The following ZNF514 variants were observed in gnomAD, a reference collection of about 807,000 sequenced individuals.
The protein encoded by ZNF514 is zinc finger protein 514.
In ZNF514, 12 loss-of-function variants were observed where a neutral mutation model predicts 9.7. That is an observed-to-expected ratio of 1.24 (90% CI 0.79 to 2.01). The LOEUF (loss-of-function observed/expected upper bound fraction) is 2.01, where lower values mean the gene tolerates loss of function less well. Ranked by LOEUF, ZNF514 falls within the 30% of genes most tolerant of loss-of-function variation. The probability of loss-of-function intolerance (pLI) is 0.00; values close to 1 mark genes in which losing one functional copy is unlikely to be tolerated. For synonymous variants in ZNF514, 158 were observed against 163.7 expected, an observed-to-expected ratio of 0.97 and a Z score of 0.27; for missense variants, 467 against 465.5, an observed-to-expected ratio of 1.00 and a Z score of -0.03.
At chr2:95,125,259 C>A in the ZNF514 span, among the ~76,000 whole-genome samples, 1 of 135,176 alleles carries the variant, frequency 7.4e-6, no homozygotes. Context: ...GACGGAGTCT[C>A]GCGTCGCGTC....
At chr2:95,132,229 T>TA in the ZNF514 span, among the ~76,000 whole-genome samples, 1 of 140,982 alleles carries the variant, frequency 7.1e-6, no homozygotes, top group Non-Finnish European at 1.5e-5. Context: ...GCAAGCCACA[T>TA]ACCTGACAAA....
rs1306022987 is a variant in ZNF514 at position 95,147,611 on chromosome 2, A to T, written c.*1671T>A. ...TTAGAATCACGTTTTTGAGATCTGG[A>T]TTGTGCATAATACCCATATTTTAGT... On this transcript the variant is annotated 3_prime_UTR_variant, in exon 5 of 5. Transcript: ENST00000295208. 1 of 149,432 alleles carries T rather than the reference A, an allele frequency of 6.7e-6. No individual in the cohort carries two copies. Among genetic ancestry groups the T allele is most frequent in the Non-Finnish European group, 1.5e-5 (1 of 67,562 alleles). 9.3% of individuals were successfully genotyped at this position (149,432 alleles called of 1,614,324 possible).
the ZNF514 span, among the ~76,000 whole-genome samples, chr2:95,129,254 A>G: frequency 6.6e-6 from 1 of 152,242 alleles, no homozygotes; most frequent in East Asian, 1.9e-4. Flanking sequence ...AAATTGTCCT[A>G]AGGACGTGCA....
At chr2:95,131,247 C>T in the ZNF514 span, among the ~76,000 whole-genome samples, 1 of 152,200 alleles carries the variant, frequency 6.6e-6, no homozygotes, top group Admixed American at 6.5e-5. Flanking sequence ...ACTGTAAGAT[C>T]TACTCCCCAC....
At chr2:95,157,728 T>C (rs1426533551) in intron 1 of ZNF514, among the ~76,000 whole-genome samples, 1 of 152,222 alleles carries the variant, frequency 6.6e-6, no homozygotes, top group Non-Finnish European at 1.5e-5. Flanking sequence ...CTGGGCATAC[T>C]GTATGCAGGT....
At chr2:95,138,017 C>G in the ZNF514 span, among the ~76,000 whole-genome samples, 1 of 152,178 alleles carries the variant, frequency 6.6e-6, no homozygotes, top group Non-Finnish European at 1.5e-5. Flanking sequence ...GCTACTCACC[C>G]TTCACCTTCC....
At chr2:95,136,033 T>C in the ZNF514 span, among the ~76,000 whole-genome samples, 4 of 152,130 alleles carry the variant, frequency 2.6e-5, 1 homozygote, top group South Asian at 4.2e-4. Flanking sequence ...CACTGCACTC[T>C]AGCCTGGCGA....
At chr2:95,158,879 G>A in intron 1 of ZNF514, 1 of 1,289,760 alleles carries the variant, frequency 7.8e-7, no homozygotes, top group Non-Finnish European at 1.0e-6. Context: ...GGATTCCCCG[G>A]CCTCTTCCTG....
At chr2:95,152,630 C>T (rs1673573648) in intron 4 of ZNF514, 44 bp downstream of exon 4, 1 of 1,555,732 alleles carries the variant, frequency 6.4e-7, no homozygotes, top group Non-Finnish European at 8.9e-7. Flanking sequence ...CCTCCCACCC[C>T]AGCTGGGCCT....
chr2:95,149,933 T>C lies in ZNF514; in HGVS notation c.552A>G (p.Glu184=). The C allele has an allele frequency of 6.2e-7, 1 of 1,614,222 alleles. No individual in the cohort carries two copies. The highest frequency in any genetic ancestry group is 8.5e-7 in the Non-Finnish European group (1 of 1,180,042). ...MGEGSYKCDT[E]FRQTLGGNNS... ...TGTTTCCCCCTAAAGTCTGCCTGAA[T>C]TCTGTATCACATTTATAAGATCCTT... is the stretch of plus-strand genomic sequence containing the variant. The change falls in exon 5 of 5, where the codon GAA becomes GAG. Residue 184 remains glutamate (E), a synonymous_variant. Coordinates refer to ENST00000295208, the MANE Select transcript of ZNF514 (RefSeq NM_032788.3).
chr2:95,132,191 A>G, the ZNF514 span, among the ~76,000 whole-genome samples: 1 of 151,402 alleles, frequency 6.6e-6, no homozygotes, highest in African/African-American at 2.4e-5. Context: ...AAATTAAATG[A>G]CAAGCTACAG....
At chr2:95,133,118 G>A in the ZNF514 span, among the ~76,000 whole-genome samples, 1 of 152,138 alleles carries the variant, frequency 6.6e-6, no homozygotes, top group African/African-American at 2.4e-5. Context: ...ATAAAAAGGA[G>A]TAAGTCATTG....
At position 95,152,722 on chromosome 2, in the gene ZNF514, C is replaced by T; in HGVS notation, c.169G>A (p.Gly57Ser). ...PYVICQLEEG[G>S]EPFMVEREIS... ...TCTCTCTCCACCATGAAGGGCTCAC[C>T]CCCTTCCTCCAACTGGCAGATCACA... The change falls in exon 4 of 5, where the codon GGT becomes AGT. Residue 57 changes from glycine to serine, a missense_variant. Coordinates refer to ENST00000295208, the MANE Select transcript of ZNF514 (RefSeq NM_032788.3). 6.2e-7 allele frequency: 1 copy of T among 1,614,164 alleles called. No homozygotes were observed. The highest frequency in any genetic ancestry group is 8.5e-7 in the Non-Finnish European group (1 of 1,180,012).
Position 95,152,716 on chromosome 2 carries a change from G to A in ZNF514, c.175C>T (p.Pro59Ser), listed in dbSNP as rs776671606. The change falls in exon 4 of 5, where the codon CCC (proline) becomes TCC (serine). Residue 59 changes from proline to serine, a missense_variant. Coordinates refer to ENST00000295208, the MANE Select transcript of ZNF514 (RefSeq NM_032788.3). Reference protein sequence around the residue: ...VICQLEEGGEPFMVEREISTG... With the variant: ...VICQLEEGGESFMVEREISTG... Reference sequence around the variant, plus strand: ...GAGATTTCTCTCTCCACCATGAAGGGCTCACCCCCTTCCTCCAACTGGCAG... The same window carrying A: ...GAGATTTCTCTCTCCACCATGAAGGACTCACCCCCTTCCTCCAACTGGCAG... 14 of 1,614,010 alleles carry A rather than the reference G, an allele frequency of 8.7e-6. No individual in the cohort carries two copies. Among genetic ancestry groups the A allele is most frequent in the Non-Finnish European group, 1.1e-5 (13 of 1,180,038 alleles).
At chr2:95,141,169 C>T (rs916367230), downstream of ZNF514, among the ~76,000 whole-genome samples, 1 of 152,010 alleles carries the variant, frequency 6.6e-6, no homozygotes, top group African/African-American at 2.4e-5. Flanking sequence ...ACCACCTGTT[C>T]CCCAAAAACC....
rs1366134882 is a variant in ZNF514, at chr2:95,147,959, T to G, written c.*1323A>C. 1 of 152,208 alleles carries G rather than the reference T, an allele frequency of 6.6e-6. No individual in the cohort carries two copies. Among genetic ancestry groups the G allele is most frequent in the Non-Finnish European group, 1.5e-5 (1 of 68,042 alleles). The allele number at this position is 152,208 out of a possible 1,614,324, so 9.4% of individuals were successfully genotyped here. On this transcript the variant is annotated 3_prime_UTR_variant, in exon 5 of 5. Coordinates refer to ENST00000295208, the MANE Select transcript of ZNF514 (RefSeq NM_032788.3). ...CAGCCTATTTTAGTAATTTTAATGT[T>G]TAAACAAGGTTTCATTTCATTTCAA...
intron 4 of ZNF514, among the ~76,000 whole-genome samples, chr2:95,151,177 A>AT (rs1673527835): frequency 6.6e-6 from 1 of 152,218 alleles, no homozygotes; most frequent in Admixed American, 6.5e-5. Flanking sequence ...TGCAGATGTG[A>AT]TTAAGAGCAC....
intron 1 of ZNF514, 56 bp from the exon 2 acceptor site, chr2:95,157,495 TCA>T: frequency 9.4e-7 from 1 of 1,063,592 alleles, no homozygotes; most frequent in African/African-American, 1.6e-5. Context: ...CACACAGCTC[TCA>T]GACTTCCCAA....
chr2:95,137,112 A>G, the ZNF514 span, among the ~76,000 whole-genome samples: 1 of 152,234 alleles, frequency 6.6e-6, no homozygotes, highest in Non-Finnish European at 1.5e-5. Context: ...TCATGAAAAG[A>G]TAGTATGAGA....
Sources: gnomAD v4.1 joint callset for allele counts (sites outside exome capture counted in the v4.1 genomes callset) on GRCh38, gnomAD v4.1.1 for gene constraint, MANE v1.5 for transcripts, NCBI Gene and HGNC (gene_info 2026-07-23, HGNC 2026-07-21) for gene names.